The following FAM81A variants were observed in gnomAD, a reference collection of about 807,000 sequenced individuals.
The protein encoded by FAM81A is family with sequence similarity 81 member A, also known as protein FAM81A.
In FAM81A, 19 loss-of-function variants were observed where a neutral mutation model predicts 46.7. The ratio of observed to expected loss-of-function variants is 0.41; its 90% CI spans 0.28 to 0.60. The LOEUF (loss-of-function observed/expected upper bound fraction) is 0.60. Among genes scored for constraint, FAM81A ranks in the 20% least tolerant of loss-of-function variants. The probability of loss-of-function intolerance (pLI) is 0.34; values close to 1 mark genes in which losing one functional copy is unlikely to be tolerated. For synonymous variants in FAM81A, 183 were observed against 152.9 expected, an observed-to-expected ratio of 1.20 and a Z score of -1.45; for missense variants, 377 against 453.5, an observed-to-expected ratio of 0.83 and a Z score of 1.53.
chr15:59,423,032 G>GTA (rs1395068718), intron 2 of FAM81A, among the ~76,000 whole-genome samples: 12 of 152,084 alleles, frequency 7.9e-5, no homozygotes, highest in African/African-American at 2.7e-4. Context: ...GAGAGACTTT[G>GTA]TATATATTTT....
chr15:59,484,959 C>T (rs1436654188), intron 3 of FAM81A, among the ~76,000 whole-genome samples: 1 of 152,128 alleles, frequency 6.6e-6, no homozygotes. Context: ...GCCCTTGGGC[C>T]TTAGGTGAAC....
At chr15:59,511,512 A>G (rs527437847) in intron 6 of FAM81A, among the ~76,000 whole-genome samples, 5 of 152,340 alleles carry the variant, frequency 3.3e-5, no homozygotes, top group African/African-American at 9.6e-5. Flanking sequence ...AGCGCTGAGT[A>G]AAATGTGAAG....
chr15:59,486,102 C>A (rs1377371283), intron 3 of FAM81A, among the ~76,000 whole-genome samples: 1 of 152,046 alleles, frequency 6.6e-6, no homozygotes, highest in Non-Finnish European at 1.5e-5. Context: ...TCGCTTGAAC[C>A]CAGGAGGCAG....
chr15:59,463,597 C>T (rs2081578097), intron 3 of FAM81A, among the ~76,000 whole-genome samples: 1 of 151,956 alleles, frequency 6.6e-6, no homozygotes, highest in African/African-American at 2.4e-5. Context: ...AATCCCAGCA[C>T]TTTGGGAGGC....
chr15:59,452,619 C>A (rs756978124), intron 1 of FAM81A, among the ~76,000 whole-genome samples: 2 of 152,112 alleles, frequency 1.3e-5, no homozygotes, highest in Non-Finnish European at 2.9e-5. Flanking sequence ...TGTATTCTAA[C>A]CTGGGTGACA....
chr15:59,422,909 T>C (rs1465943757), intron 2 of FAM81A, among the ~76,000 whole-genome samples: 1 of 152,250 alleles, frequency 6.6e-6, no homozygotes, highest in African/African-American at 2.4e-5. Context: ...AAGTTTTAAA[T>C]GGTAAATTTC....
chr15:59,521,218 A>G, intron 8 of FAM81A, 36 bp from the exon 9 acceptor site: 2 of 1,585,596 alleles, frequency 1.3e-6, no homozygotes, highest in Non-Finnish European at 1.7e-6. Context: ...TTTTAAAAAA[A>G]TTGTTAACTG....
chr15:59,434,645 T>G (rs2081235144), upstream of FAM81A, among the ~76,000 whole-genome samples: 1 of 152,258 alleles, frequency 6.6e-6, no homozygotes, highest in South Asian at 2.1e-4. Flanking sequence ...TTTCTCCTGC[T>G]AGTTCCTACA....
At chr15:59,409,616 GA>G (rs1180398821) in intron 2 of FAM81A, among the ~76,000 whole-genome samples, 1 of 152,046 alleles carries the variant, frequency 6.6e-6, no homozygotes, top group Non-Finnish European at 1.5e-5. Context: ...AGACAGACGT[GA>G]AAAAAAGCCA....
intron 3 of FAM81A, among the ~76,000 whole-genome samples, chr15:59,466,892 A>G (rs1404157307): frequency 6.6e-6 from 1 of 152,304 alleles, no homozygotes. Flanking sequence ...TATAAGGTGT[A>G]AGGAAGGGAT....
intron 2 of FAM81A, among the ~76,000 whole-genome samples, chr15:59,418,437 A>G (rs1306652628): frequency 2.0e-5 from 3 of 152,226 alleles, no homozygotes; most frequent in Non-Finnish European, 4.4e-5. Context: ...TTACAAGGGC[A>G]AGCTGGTTGG....
chr15:59,425,339 T>G (rs1232867806), intron 2 of FAM81A, among the ~76,000 whole-genome samples: 1 of 152,224 alleles, frequency 6.6e-6, no homozygotes, highest in Non-Finnish European at 1.5e-5. Context: ...AGCCAGAATT[T>G]GAATGCAAGT....
At chr15:59,441,243 C>T (rs2081294252) in intron 1 of FAM81A, among the ~76,000 whole-genome samples, 1 of 152,212 alleles carries the variant, frequency 6.6e-6, no homozygotes, top group Non-Finnish European at 1.5e-5. Flanking sequence ...CTGCCCCAAC[C>T]CTTACTCCAC....
At chr15:59,432,744 A>G (rs1209701887) in intron 2 of FAM81A, among the ~76,000 whole-genome samples, 2 of 152,210 alleles carry the variant, frequency 1.3e-5, no homozygotes, top group Admixed American at 6.5e-5. Context: ...TATGATTGCA[A>G]CAGGGCCAGG....
chr15:59,469,641 C>T (rs1279774971), intron 3 of FAM81A, among the ~76,000 whole-genome samples: 2 of 151,978 alleles, frequency 1.3e-5, no homozygotes, highest in Non-Finnish European at 2.9e-5. Context: ...CTGAATACAG[C>T]ACACTGATGG....
intron 2 of FAM81A, among the ~76,000 whole-genome samples, chr15:59,428,182 G>A (rs1453146666): frequency 6.6e-6 from 1 of 152,116 alleles, no homozygotes; most frequent in Non-Finnish European, 1.5e-5. Context: ...TCATACACCT[G>A]TTTGCCATTT....
chr15:59,462,726 C>T (rs2081567714), intron 3 of FAM81A, among the ~76,000 whole-genome samples: 1 of 152,180 alleles, frequency 6.6e-6, no homozygotes, highest in African/African-American at 2.4e-5. Flanking sequence ...TATGAATTTG[C>T]TTATTCTAGC....
At chr15:59,426,654 G>T (rs1222406995) in intron 2 of FAM81A, among the ~76,000 whole-genome samples, 2 of 152,088 alleles carry the variant, frequency 1.3e-5, no homozygotes, top group East Asian at 3.8e-4. Context: ...CATGTACTCA[G>T]TTTATAAAAT....
chr15:59,480,003 G>A (rs1010595510), intron 3 of FAM81A, among the ~76,000 whole-genome samples: 22 of 152,182 alleles, frequency 1.4e-4, no homozygotes, highest in African/African-American at 4.6e-4. Flanking sequence ...GAAGCAGGGA[G>A]TCAAGTTAGG....
Sources: gnomAD v4.1 joint callset for allele counts (sites outside exome capture counted in the v4.1 genomes callset) on GRCh38, gnomAD v4.1.1 for gene constraint, MANE v1.5 for transcripts, NCBI Gene and HGNC (gene_info 2026-07-23, HGNC 2026-07-21) for gene names.